Variants in ZNF587B observed in about 807,000 individuals in gnomAD.
ZNF587B encodes zinc finger protein 587B.
Under a neutral mutation model 7.2 loss-of-function variants are expected in ZNF587B, and 6 were observed. The observed-to-expected ratio is 0.83, with a 90% CI of 0.46 to 1.65. ZNF587B has a LOEUF of 1.65. Among genes scored for constraint, ZNF587B ranks in the 40% most tolerant of loss-of-function variants. ZNF587B has a pLI of 0.01. For missense variants in ZNF587B, 749 were observed against 761.0 expected, an observed-to-expected ratio of 0.98 and a Z score of 0.19; for synonymous variants, 274 against 254.3, an observed-to-expected ratio of 1.08 and a Z score of -0.74.
chr19:57,845,269 T>A lies in ZNF587B; in HGVS notation c.*2693T>A, dbSNP rs1026048387. ...TGCTGGGACTACAGGTGTGGGCCGC[T>A]GTGTTTGGCTGAAATGTATGTCTTT... On this transcript the variant is annotated 3_prime_UTR_variant, in exon 3 of 3. Transcript: ENST00000594901. 2 of 152,226 alleles carry A rather than the reference T, an allele frequency of 1.3e-5. No homozygotes were observed. Among genetic ancestry groups the A allele is most frequent in the African/African-American group, 4.8e-5 (2 of 41,438 alleles). 9.4% of individuals were successfully genotyped at this position (152,226 alleles called of 1,614,324 possible).
chr19:57,832,795 C>A (rs2122207356), intron 1 of ZNF587B, among the ~76,000 whole-genome samples: 1 of 152,376 alleles, frequency 6.6e-6, no homozygotes, highest in East Asian at 1.9e-4. Context: ...CTTGCAGACT[C>A]AGAGAGCTGT....
chr19:57,840,883 G>GT lies in ZNF587B; in HGVS notation c.210dup (p.Ile71TyrfsTer25), dbSNP rs1600108478. On this transcript the variant is annotated frameshift_variant, in exon 3 of 3. Transcript: ENST00000594901. LOFTEE classifies it low-confidence loss of function (END_TRUNC). ...GATGAGGCGGCACCTTCTAAGCAGA[G>GT]TATTTATATACAAAGAGAGACTCAG... 1 of 1,550,256 alleles carries GT rather than the reference G, an allele frequency of 6.5e-7. No homozygotes were observed. Among genetic ancestry groups the GT allele is most frequent in the Admixed American group, 1.9e-5 (1 of 51,474 alleles).
intron 1 of ZNF587B, among the ~76,000 whole-genome samples, chr19:57,831,151 G>A (rs1220283463): frequency 6.6e-6 from 1 of 152,170 alleles, no homozygotes; most frequent in African/African-American, 2.4e-5. Context: ...GAGTCAGCTT[G>A]CACAAGTTAA....
rs573831924 is a variant in ZNF587B at position 57,842,534 on chromosome 19, A to G, written c.1860A>G (p.Ser620=). The G allele has an allele frequency of 1.7e-5, 27 of 1,547,478 alleles. No individual in the cohort carries two copies. Among genetic ancestry groups the G allele is most frequent in the Non-Finnish European group, 2.2e-5 (25 of 1,154,832 alleles). Residue 620 remains serine (S), a synonymous_variant, in exon 3 of 3, where the codon TCA becomes TCG. Coordinates refer to ENST00000594901, the MANE Select transcript of ZNF587B (RefSeq NM_001376223.1). ...AAAAAAAATTTAGGAAAAGCTCTTC[A>G]CTTCGTTACCATCAGAGAGTTCATG... is the stretch of plus-strand genomic sequence containing the variant. ...ECEKKFRKSS[S]LRYHQRVHER...
chr19:57,841,679 T>C lies in ZNF587B; in HGVS notation c.1005T>C (p.Phe335=). Reference sequence around the variant, plus strand: ...AGTGTGGAGAATGTGGGAAATCTTTTAGTTCAAACGTGAACCTTAAGAGTC... The same window carrying C: ...AGTGTGGAGAATGTGGGAAATCTTTCAGTTCAAACGTGAACCTTAAGAGTC... The part of the protein sequence containing the change: ...PYECGECGKS[F]SSNVNLKSHQ... The change falls in exon 3 of 3, where the codon TTT becomes TTC. Residue 335 remains phenylalanine, a synonymous_variant. Transcript: ENST00000594901. 6.2e-7 allele frequency: 1 copy of C among 1,605,566 alleles called. No individual in the cohort carries two copies. Among genetic ancestry groups the C allele is most frequent in the Non-Finnish European group, 8.5e-7 (1 of 1,176,048 alleles).
At chr19:57,831,004 A>G (rs1988363576) in intron 1 of ZNF587B, among the ~76,000 whole-genome samples, 1 of 152,240 alleles carries the variant, frequency 6.6e-6, no homozygotes, top group Admixed American at 6.5e-5. Flanking sequence ...AAACAGTTCC[A>G]GGTGCAGGGG....
chr19:57,843,120 A>G lies in ZNF587B; in HGVS notation c.*544A>G, dbSNP rs1364080124. 1.7e-6 allele frequency: 1 copy of G among 592,276 alleles called. No individual in the cohort carries two copies. Among genetic ancestry groups the G allele is most frequent in the South Asian group, 7.4e-5 (1 of 13,486 alleles). 36.7% of individuals were successfully genotyped at this position (592,276 alleles called of 1,614,324 possible). ...AAGTGATCTTCCCACCTTAGCCTCC[A>G]TGTAGCTGGGTCCACAGGCATGCAC... is the stretch of plus-strand genomic sequence containing the variant. On this transcript the variant is annotated 3_prime_UTR_variant, in exon 3 of 3. Coordinates refer to ENST00000594901, the MANE Select transcript of ZNF587B (RefSeq NM_001376223.1).
rs1600111805 is a variant in ZNF587B at position 57,844,439 on chromosome 19, T to C, written c.*1863T>C. 1 of 280,454 alleles carries C rather than the reference T, an allele frequency of 3.6e-6. No homozygotes were observed. Among genetic ancestry groups the C allele is most frequent in the Non-Finnish European group, 7.1e-6 (1 of 141,012 alleles). 17.4% of individuals were successfully genotyped at this position (280,454 alleles called of 1,614,324 possible). A position where few individuals can be genotyped will look rare whatever the true frequency, so the allele number is the denominator to read the frequency against. ...TTGCTTGAACCCCGGGAGGTAGAGG[T>C]TGCAGTGAGCTGAGATCATGCCACT... On this transcript the variant is annotated 3_prime_UTR_variant, in exon 3 of 3. Transcript: ENST00000594901.
At chr19:57,830,962 AAAGTT>A (rs1215287037) in intron 1 of ZNF587B, among the ~76,000 whole-genome samples, 2 of 152,130 alleles carry the variant, frequency 1.3e-5, no homozygotes, top group Admixed American at 1.3e-4. Context: ...GTAGGCAAGA[AAAGTT>A]AAAAGGATAA....
intron 2 of ZNF587B, among the ~76,000 whole-genome samples, chr19:57,840,318 A>C (rs1988791107): frequency 6.6e-6 from 1 of 151,784 alleles, no homozygotes; most frequent in African/African-American, 2.4e-5. Flanking sequence ...TTGTACATGA[A>C]CTCGTACCCT....
intron 1 of ZNF587B, among the ~76,000 whole-genome samples, chr19:57,837,652 G>A (rs552279949): frequency 1.2e-4 from 19 of 152,166 alleles, no homozygotes; most frequent in African/African-American, 4.6e-4. Context: ...GTTTCACCGT[G>A]TTAGGCAGGA....
Position 57,841,270 on chromosome 19 carries a change from G to A in ZNF587B, c.596G>A (p.Ser199Asn). The part of the protein sequence containing the change: ...EASHTGEKSN[S>N]KTECVSPFQC... The stretch of plus-strand genomic sequence containing the variant: ...AGTCACACTGGGGAGAAGTCAAACA[G>A]CAAAACTGAGTGTGTGTCTCCCTTT... The change falls in exon 3 of 3, where the codon AGC becomes AAC. Residue 199 changes from serine to asparagine, a missense_variant. Around this residue, in one of 3 missense-constraint regions of ZNF587B, gnomAD observed 656 missense variants for 596.5 expected, o/e 1.10. Coordinates refer to ENST00000594901, the MANE Select transcript of ZNF587B (RefSeq NM_001376223.1). The A allele has an allele frequency of 6.2e-7, 1 of 1,614,130 alleles. No individual in the cohort carries two copies. The highest frequency in any genetic ancestry group is 1.1e-5 in the South Asian group (1 of 91,080).
chr19:57,842,223 A>C lies in ZNF587B; in HGVS notation c.1549A>C (p.Thr517Pro), dbSNP rs768152886. 3.7e-6 allele frequency: 6 copies of C among 1,613,556 alleles called. No individual in the cohort carries two copies. Among genetic ancestry groups the C allele is most frequent in the Middle Eastern group, 1.6e-4 (1 of 6,080 alleles). ...CHLTAHQRVH[T>P]GERPYECSDC... is the part of the protein sequence containing the mutation. Reference sequence around the variant, plus strand: ...CCTCACTGCACACCAGAGAGTTCACACTGGAGAAAGGCCATATGAATGCAG... The same window carrying C: ...CCTCACTGCACACCAGAGAGTTCACCCTGGAGAAAGGCCATATGAATGCAG... The change falls in exon 3 of 3, where the codon ACT (threonine) becomes CCT (proline). Residue 517 changes from threonine (T) to proline (P), a missense_variant. Thr to Pro is a conservative substitution (Grantham distance 38). Coordinates refer to ENST00000594901, the MANE Select transcript of ZNF587B (RefSeq NM_001376223.1).
intron 1 of ZNF587B, among the ~76,000 whole-genome samples, chr19:57,836,224 G>C (rs928906407): frequency 1.3e-5 from 2 of 152,036 alleles, no homozygotes; most frequent in African/African-American, 4.8e-5. Flanking sequence ...GTCATGGATA[G>C]CTGAAGCCAC....
chr19:57,844,505 G>C lies in ZNF587B; in HGVS notation c.*1929G>C. 1 of 208,706 alleles carries C rather than the reference G, an allele frequency of 4.8e-6. No individual in the cohort carries two copies. Among genetic ancestry groups the C allele is most frequent in the South Asian group, 5.1e-5 (1 of 19,422 alleles). The allele number at this position is 208,706 out of a possible 1,614,324, so 12.9% of individuals were successfully genotyped here. ...TCCTGCTACCTTGAAGGACAGCATA[G>C]CTAAACTGCGTGGCCCAAGGGACAG... On this transcript the variant is annotated 3_prime_UTR_variant, in exon 3 of 3. Coordinates refer to ENST00000594901, the MANE Select transcript of ZNF587B (RefSeq NM_001376223.1).
chr19:57,833,041 A>G (rs1462270470), intron 1 of ZNF587B, among the ~76,000 whole-genome samples: 2 of 152,308 alleles, frequency 1.3e-5, no homozygotes, highest in Non-Finnish European at 2.9e-5. Context: ...TGTGACCACT[A>G]CATGGCTATC....
At position 57,841,455 on chromosome 19, in the gene ZNF587B, CAG is replaced by C. The variant is rs769516783; in HGVS notation, c.786_787del (p.Arg262SerfsTer9). ...FSKYVSFSNH[Q>X]RVHSGKRPYE... ...CAAATATGTTAGCTTCAGTAATCAT[CAG>C]AGAGTTCACAGTGGAAAAAGACCTT... On this transcript the variant is annotated frameshift_variant, in exon 3 of 3. Coordinates refer to ENST00000594901, the MANE Select transcript of ZNF587B (RefSeq NM_001376223.1). LOFTEE classifies it low-confidence loss of function (END_TRUNC). The C allele has an allele frequency of 2.5e-6, 4 of 1,584,980 alleles. No individual in the cohort carries two copies. The highest frequency in any genetic ancestry group is 2.7e-5 in the African/African-American group (2 of 73,924).
In ZNF587B at chr19:57,838,284, C is replaced by CA. The variant is rs34095077; in HGVS notation, c.37-730dup. On this transcript the variant is annotated intron_variant, in intron 1 of 2. Transcript: ENST00000594901. ...TAGATCGTGTCATTGCACTCCGTCT[C>CA]AAAAAAAAATAAAAAAAAAAAGATA... 3.4e-4 allele frequency among the ~76,000 whole-genome samples: 46 copies of CA among 135,906 alleles called. 1 individual carries two copies. Among genetic ancestry groups the CA allele is most frequent in the Middle Eastern group, 8.1e-3 (2 of 246 alleles). 89.2% of individuals were successfully genotyped at this position (135,906 alleles called of 152,430 possible). A position where few individuals can be genotyped will look rare whatever the true frequency, so the allele number is the denominator to read the frequency against.
chr19:57,832,155 C>T (rs1175043811), intron 1 of ZNF587B, among the ~76,000 whole-genome samples: 3 of 152,034 alleles, frequency 2.0e-5, no homozygotes, highest in Non-Finnish European at 4.4e-5. Flanking sequence ...GGCACGATCT[C>T]GGCTCACTGC....
Sources: allele counts gnomAD v4.1 joint callset (sites outside exome capture counted in the v4.1 genomes callset), GRCh38; gene constraint gnomAD v4.1.1; regional missense constraint gnomAD v4.1.1; transcripts MANE v1.5; gene names NCBI Gene and HGNC (gene_info 2026-07-23, HGNC 2026-07-21).